The following GMEB2 variants were observed in gnomAD, a reference collection of about 807,000 sequenced individuals.
The protein encoded by GMEB2 is glucocorticoid modulatory element-binding protein 2.
Under a neutral mutation model 45.7 loss-of-function variants are expected in GMEB2, and 7 were observed. The observed-to-expected ratio is 0.15, with a 90% confidence interval of 0.09 to 0.29. The LOEUF (loss-of-function observed/expected upper bound fraction) is 0.29, where lower values mean the gene tolerates loss of function less well. Among genes scored for constraint, GMEB2 ranks in the 10% least tolerant of loss-of-function variants. The pLI is 1.00. For synonymous variants in GMEB2, 322 were observed against 323.6 expected (o/e 1.00, Z 0.05); for missense variants, 582 against 739.2 (o/e 0.79, Z 2.47).
At chr20:63,598,809 G>T (rs996786772) in intron 4 of GMEB2, among the ~76,000 whole-genome samples, 7 of 152,180 alleles carry the variant, frequency 4.6e-5, no homozygotes, top group African/African-American at 1.7e-4. Flanking sequence ...TCGGAGCCTG[G>T]CAGGAAGGCT....
Position 63,589,878 on chromosome 20 carries a change from C to T in GMEB2, c.*211G>A. On this transcript the variant is annotated 3_prime_UTR_variant, in exon 10 of 10. Transcript: ENST00000370077. Reference sequence around the variant, plus strand: ...TTCCCAAGAAAAAAGGGGGAGGAAACGTGGGACCTGAAGACCGATTTTCCA... The same window carrying T: ...TTCCCAAGAAAAAAGGGGGAGGAAATGTGGGACCTGAAGACCGATTTTCCA... 1 of 428,442 alleles carries T rather than the reference C, an allele frequency of 2.3e-6. No individual in the cohort carries two copies. Among genetic ancestry groups the T allele is most frequent in the Non-Finnish European group, 4.1e-6 (1 of 243,132 alleles). 26.5% of individuals were successfully genotyped at this position (428,442 alleles called of 1,614,324 possible). A position where few individuals can be genotyped will look rare whatever the true frequency, so the allele number is the denominator to read the frequency against.
In GMEB2 at chr20:63,593,170, T is replaced by C. The variant is rs941436237; in HGVS notation, c.620-88A>G. The C allele has an allele frequency of 7.9e-6, 6 of 760,492 alleles. No individual in the cohort carries two copies. The African/African-American group carries it at 1.0e-4, about 13-fold the overall frequency. The allele number at this position is 760,492 out of a possible 1,614,324, so 47.1% of individuals were successfully genotyped here. On this transcript the variant is annotated intron_variant, in intron 6 of 9. Transcript: ENST00000370077. This position sits in a 1 kb window ranked among gnomAD's most constrained non-coding sequence, Gnocchi z 4.7. ...CCTGTCCACCCTCCTCACACCACCT[T>C]CTGAACCTTTCCATCTGTCTTCACA...
At chr20:63,623,445 A>G (rs188793994) in intron 1 of GMEB2, among the ~76,000 whole-genome samples, 1 of 152,356 alleles carries the variant, frequency 6.6e-6, no homozygotes, top group Admixed American at 6.5e-5. Flanking sequence ...TTTCACTAGC[A>G]TAACTTTGTT....
chr20:63,622,013 C>T (rs2089644935), intron 1 of GMEB2, among the ~76,000 whole-genome samples: 1 of 151,866 alleles, frequency 6.6e-6, no homozygotes, highest in Non-Finnish European at 1.5e-5. Context: ...CCTGTAGTTG[C>T]AGCTACTCTG....
At chr20:63,609,485 C>A (rs1448265224) in intron 2 of GMEB2, among the ~76,000 whole-genome samples, 1 of 32,022 alleles carries the variant, frequency 3.1e-5, no homozygotes, top group African/African-American at 8.7e-5. Flanking sequence ...CCCTCTGACC[C>A]CACATCCATT....
Position 63,619,447 on chromosome 20 carries a change from C to T in GMEB2, c.-50G>A. On this transcript the variant is annotated 5_prime_UTR_variant, in exon 2 of 10. Coordinates refer to ENST00000370077, the MANE Select transcript of GMEB2 (RefSeq NM_012384.5). The surrounding 1 kb of genome is among the most constrained non-coding windows in gnomAD (Gnocchi z 4.6). ...GCCAGCAGCGTCAGTCCTCCAGGGT[C>T]CCAAGTCCTGGAGGAAGCAAGGCAG... The T allele has an allele frequency of 1.3e-6, 2 of 1,588,548 alleles. No homozygotes were observed. The highest frequency in any genetic ancestry group is 1.1e-5 in the South Asian group (1 of 89,456).
rs890493242 is a variant in GMEB2, at chr20:63,619,629, C to T, written c.-57-175G>A. Reference sequence around the variant, plus strand: ...CTACTCCAGGCTCTGGTTCCGAGGGCGGTGTAAGCGCACTCCACCCGTTTT... The same window carrying T: ...CTACTCCAGGCTCTGGTTCCGAGGGTGGTGTAAGCGCACTCCACCCGTTTT... On this transcript the variant is annotated intron_variant, in intron 1 of 9. Transcript: ENST00000370077. The surrounding 1 kb of genome is among the most constrained non-coding windows in gnomAD (Gnocchi z 4.6). 3.9e-5 allele frequency: 16 copies of T among 405,886 alleles called. No homozygotes were observed. Among genetic ancestry groups the T allele is most frequent in the Middle Eastern group, 6.9e-4 (1 of 1,454 alleles). 25.1% of individuals were successfully genotyped at this position (405,886 alleles called of 1,614,324 possible).
intron 2 of GMEB2, among the ~76,000 whole-genome samples, chr20:63,605,842 C>G (rs919964256): frequency 2.6e-5 from 4 of 152,124 alleles, no homozygotes; most frequent in African/African-American, 9.7e-5. Context: ...GTAATCCCAG[C>G]TACTTGGGAG....
chr20:63,617,819 C>T (rs974362376), intron 2 of GMEB2, among the ~76,000 whole-genome samples: 8 of 151,646 alleles, frequency 5.3e-5, no homozygotes, highest in Non-Finnish European at 1.2e-4. Context: ...GGGCCTACCC[C>T]GAGGCTGCTT....
Position 63,589,994 on chromosome 20 carries a change from G to T in GMEB2, c.*95C>A. 9.0e-7 allele frequency: 1 copy of T among 1,111,304 alleles called. No individual in the cohort carries two copies. Among genetic ancestry groups the T allele is most frequent in the Non-Finnish European group, 1.2e-6 (1 of 815,134 alleles). 68.8% of individuals were successfully genotyped at this position (1,111,304 alleles called of 1,614,324 possible). On this transcript the variant is annotated 3_prime_UTR_variant, in exon 10 of 10. Coordinates refer to ENST00000370077, the MANE Select transcript of GMEB2 (RefSeq NM_012384.5). ...GTTCTGCAGACCACGTGACCCACCT[G>T]CCCGAGCCAGCCCTGCGGCCTCTGC... is the stretch of plus-strand genomic sequence containing the variant.
intron 2 of GMEB2, among the ~76,000 whole-genome samples, chr20:63,611,571 T>A (rs977161655): frequency 2.6e-5 from 4 of 151,240 alleles, no homozygotes; most frequent in Admixed American, 1.3e-4. Context: ...GCTGAGATCA[T>A]GCCACTGCAC....
chr20:63,620,202 C>T (rs1169531710), intron 1 of GMEB2, among the ~76,000 whole-genome samples: 1 of 152,186 alleles, frequency 6.6e-6, no homozygotes, highest in African/African-American at 2.4e-5. Context: ...CCTGGCCTGC[C>T]CCGGGTTTAA....
intron 5 of GMEB2, among the ~76,000 whole-genome samples, chr20:63,596,886 C>T (rs2083204171): frequency 6.6e-6 from 1 of 152,032 alleles, no homozygotes; most frequent in South Asian, 2.1e-4. Context: ...GGTGTGCTGG[C>T]GAGCACCTGT....
chr20:63,599,144 G>A (rs1209640307), intron 4 of GMEB2, among the ~76,000 whole-genome samples: 3 of 151,962 alleles, frequency 2.0e-5, no homozygotes, highest in Admixed American at 6.6e-5. Flanking sequence ...CAGAGCTAAC[G>A]CAGCCGCTCC....
chr20:63,605,480 G>A (rs1216606150), intron 2 of GMEB2, among the ~76,000 whole-genome samples: 1 of 145,960 alleles, frequency 6.9e-6, no homozygotes, highest in Non-Finnish European at 1.5e-5. Context: ...TGGGGATTGT[G>A]TCACCGCACT....
Position 63,590,457 on chromosome 20 carries a change from C to A in GMEB2, c.1225G>T (p.Val409Phe). 1 of 1,520,938 alleles carries A rather than the reference C, an allele frequency of 6.6e-7. No homozygotes were observed. The highest frequency in any genetic ancestry group is 2.1e-5 in the Admixed American group (1 of 47,656). 94.2% of individuals were successfully genotyped at this position (1,520,938 alleles called of 1,614,324 possible). The change falls in exon 10 of 10, where the codon GTC becomes TTC. Residue 409 changes from valine to phenylalanine, a missense_variant. This residue lies in a region of GMEB2 where 462 missense variants were observed against 586.7 expected (regional missense o/e 0.79). Coordinates refer to ENST00000370077, the MANE Select transcript of GMEB2 (RefSeq NM_012384.5). Reference sequence around the variant, plus strand: ...GCCTGAAGGGAACCCTTGCCCAGGACGGTGGACGGCAGGGTGGACACCACT... The same window carrying A: ...GCCTGAAGGGAACCCTTGCCCAGGAAGGTGGACGGCAGGGTGGACACCACT... ...GKVVSTLPST[V>F]LGKGSLQAPP...
chr20:63,614,981 C>T (rs1031230680), intron 2 of GMEB2, among the ~76,000 whole-genome samples: 1 of 152,184 alleles, frequency 6.6e-6, no homozygotes, highest in Non-Finnish European at 1.5e-5. Flanking sequence ...AGTGGTCCCC[C>T]AGGCCCAGCT....
chr20:63,619,629 C>G lies in GMEB2; in HGVS notation c.-57-175G>C. On this transcript the variant is annotated intron_variant, in intron 1 of 9. Coordinates refer to ENST00000370077, the MANE Select transcript of GMEB2 (RefSeq NM_012384.5). This position sits in a 1 kb window ranked among gnomAD's most constrained non-coding sequence, Gnocchi z 4.6. Reference sequence around the variant, plus strand: ...CTACTCCAGGCTCTGGTTCCGAGGGCGGTGTAAGCGCACTCCACCCGTTTT... The same window carrying G: ...CTACTCCAGGCTCTGGTTCCGAGGGGGGTGTAAGCGCACTCCACCCGTTTT... 1 of 406,004 alleles carries G rather than the reference C, an allele frequency of 2.5e-6. No individual in the cohort carries two copies. Among genetic ancestry groups the G allele is most frequent in the South Asian group, 3.2e-5 (1 of 31,560 alleles). 25.2% of individuals were successfully genotyped at this position (406,004 alleles called of 1,614,324 possible). A position where few individuals can be genotyped will look rare whatever the true frequency, so the allele number is the denominator to read the frequency against.
rs2083173535 is a variant in GMEB2 at position 63,593,977 on chromosome 20, G to A, written c.620-895C>T. Among the ~76,000 whole-genome samples, 1 of 152,220 alleles carries A rather than the reference G, an allele frequency of 6.6e-6. No individual in the cohort carries two copies. The highest frequency in any genetic ancestry group is 1.5e-5 in the Non-Finnish European group (1 of 68,044). On this transcript the variant is annotated intron_variant, in intron 6 of 9. Transcript: ENST00000370077. The surrounding 1 kb of genome is among the most constrained non-coding windows in gnomAD (Gnocchi z 4.7). ...AGAGGTTGCAGTGAGCCGAGATCAG[G>A]CCCCTGCACTCCAGCCTGGGCGACA... is the stretch of plus-strand genomic sequence containing the variant.
Sources: allele counts gnomAD v4.1 joint callset (sites outside exome capture counted in the v4.1 genomes callset), GRCh38; gene constraint gnomAD v4.1.1; regional missense constraint gnomAD v4.1.1; non-coding constraint Gnocchi (gnomAD v3.1); transcripts MANE v1.5; gene names NCBI Gene and HGNC (gene_info 2026-07-23, HGNC 2026-07-21).